The following GRK5 variants were observed in gnomAD, a reference collection of about 807,000 sequenced individuals.
The protein encoded by GRK5 is g protein-coupled receptor kinase GRK5.
GRK5 carries 40 observed loss-of-function variants against 78.4 expected under a neutral mutation model. The observed-to-expected ratio is 0.51, with a 90% confidence interval of 0.40 to 0.66. The LOEUF (loss-of-function observed/expected upper bound fraction) is 0.66. GRK5 is among the 30% of genes least tolerant of loss of function. The pLI, the probability that GRK5 is intolerant of heterozygous loss-of-function variation, is 0.00. For synonymous variants in GRK5, 289 were observed against 296.8 expected (o/e 0.97, Z 0.27); for missense variants, 598 against 759.9 (o/e 0.79, Z 2.50).
At chr10:119,229,197 C>T (rs1284160104) in intron 1 of GRK5, among the ~76,000 whole-genome samples, 4 of 152,274 alleles carry the variant, frequency 2.6e-5, no homozygotes, top group African/African-American at 9.6e-5. Flanking sequence ...AGACTGGGAC[C>T]TTTCCCAGTG....
chr10:119,409,553 A>C (rs1852299033), intron 4 of GRK5, among the ~76,000 whole-genome samples: 1 of 152,048 alleles, frequency 6.6e-6, no homozygotes, highest in South Asian at 2.1e-4. Flanking sequence ...AGGCTTCCTG[A>C]GGGCACCCCC....
At chr10:119,227,948 A>T (rs1848766560) in intron 1 of GRK5, among the ~76,000 whole-genome samples, 1 of 152,162 alleles carries the variant, frequency 6.6e-6, no homozygotes, top group Admixed American at 6.5e-5. Context: ...TTGAAGTTCC[A>T]CGTCTAAGAT....
At chr10:119,353,076 G>T (rs1203812682) in intron 2 of GRK5, among the ~76,000 whole-genome samples, 1 of 152,234 alleles carries the variant, frequency 6.6e-6, no homozygotes, top group East Asian at 1.9e-4. Context: ...TGCCAATGTT[G>T]TTCCGGGGAC....
intron 2 of GRK5, among the ~76,000 whole-genome samples, chr10:119,338,721 G>A (rs868831403): frequency 2.0e-5 from 3 of 152,158 alleles, no homozygotes; most frequent in South Asian, 4.2e-4. Context: ...ATCCACCCAG[G>A]CCCCCGGTCT....
chr10:119,369,475 C>G (rs184186940), intron 2 of GRK5, among the ~76,000 whole-genome samples: 6 of 152,182 alleles, frequency 3.9e-5, no homozygotes, highest in Non-Finnish European at 5.9e-5. Flanking sequence ...CCCCAGGCCC[C>G]GCACGGAAAG....
intron 4 of GRK5, among the ~76,000 whole-genome samples, chr10:119,407,078 G>T (rs140252154): frequency 5.3e-5 from 8 of 152,194 alleles, no homozygotes; most frequent in Admixed American, 5.2e-4. Flanking sequence ...GATTCCCAGC[G>T]TGCAAACAGA....
chr10:119,336,883 A>G lies in GRK5; in HGVS notation c.148+10272A>G, dbSNP rs1850897661. Among the ~76,000 whole-genome samples, 1 of 152,220 alleles carries G rather than the reference A, an allele frequency of 6.6e-6. No individual in the cohort carries two copies. Among genetic ancestry groups the G allele is most frequent in the Non-Finnish European group, 1.5e-5 (1 of 68,044 alleles). On this transcript the variant is annotated intron_variant, in intron 2 of 15. Transcript: ENST00000392870. The surrounding 1 kb of genome is among the most constrained non-coding windows in gnomAD (Gnocchi z 4.5). ...TGACCTGTCCGCAGCTGGAGCTCTC[A>G]GGAGGGAAGGGTGGCCCCGCTGTCT...
chr10:119,268,263 A>G (rs899563405), intron 1 of GRK5, among the ~76,000 whole-genome samples: 6 of 152,250 alleles, frequency 3.9e-5, no homozygotes, highest in African/African-American at 1.2e-4. Flanking sequence ...TTGAGTACAC[A>G]TAATTCGATT....
In GRK5 at chr10:119,264,437, G is replaced by A. The variant is rs1849459707; in HGVS notation, c.52+56468G>A. ...GCTTCCTACAGCTCTTGGCTCTGCT[G>A]CTTTCTGAGTGTTGGCCTCTCTCTC... On this transcript the variant is annotated intron_variant, in intron 1 of 15. Transcript: ENST00000392870. The surrounding 1 kb of genome is among the most constrained non-coding windows in gnomAD (Gnocchi z 4.1). Among the ~76,000 whole-genome samples, 1 of 152,112 alleles carries A rather than the reference G, an allele frequency of 6.6e-6. No individual in the cohort carries two copies. The highest frequency in any genetic ancestry group is 2.4e-5 in the African/African-American group (1 of 41,402).
intron 4 of GRK5, among the ~76,000 whole-genome samples, chr10:119,417,745 G>A (rs1018326473): frequency 6.6e-6 from 1 of 152,128 alleles, no homozygotes; most frequent in African/African-American, 2.4e-5. Context: ...ATGAGATGAG[G>A]ACAAAAAGGA....
intron 3 of GRK5, among the ~76,000 whole-genome samples, chr10:119,394,802 TGG>T (rs1215567068): frequency 1.8e-4 from 27 of 149,548 alleles, no homozygotes; most frequent in African/African-American, 6.8e-4. Flanking sequence ...TTTGGGTGTG[TGG>T]GTGTGTGTGT....
At chr10:119,387,654 G>A (rs1276221789) in intron 3 of GRK5, among the ~76,000 whole-genome samples, 1 of 152,240 alleles carries the variant, frequency 6.6e-6, no homozygotes, top group Admixed American at 6.5e-5. Context: ...TGGCATCTTG[G>A]AGACTGATGG....
chr10:119,219,994 C>T (rs1848634354), intron 1 of GRK5, among the ~76,000 whole-genome samples: 2 of 152,206 alleles, frequency 1.3e-5, no homozygotes, highest in Non-Finnish European at 2.9e-5. Context: ...CTAGGGATGG[C>T]TGATGACCTG....
chr10:119,327,006 G>A (rs1335541085), intron 2 of GRK5, among the ~76,000 whole-genome samples: 1 of 152,114 alleles, frequency 6.6e-6, no homozygotes. Flanking sequence ...CAGAGCCACC[G>A]CTCATAACTT....
At chr10:119,350,631 C>T (rs1851173113) in intron 2 of GRK5, among the ~76,000 whole-genome samples, 1 of 152,190 alleles carries the variant, frequency 6.6e-6, no homozygotes, top group Non-Finnish European at 1.5e-5. Context: ...TTTTATTTGT[C>T]CAGCGCAGAG....
At chr10:119,393,894 G>A (rs1048268236) in intron 3 of GRK5, among the ~76,000 whole-genome samples, 3 of 151,994 alleles carry the variant, frequency 2.0e-5, no homozygotes, top group African/African-American at 7.3e-5. Flanking sequence ...CTGTATGTGT[G>A]TGTGTAGGGG....
At position 119,241,882 on chromosome 10, in the gene GRK5, C is replaced by T. The variant is rs185189873; in HGVS notation, c.52+33913C>T. On this transcript the variant is annotated intron_variant, in intron 1 of 15. Transcript: ENST00000392870. ...CATAGGGAAATGTGGCTCAAGGAGG[C>T]AGCTAGGATTTGGGGCTTATATACC... is the stretch of plus-strand genomic sequence containing the variant. Among the ~76,000 whole-genome samples the T allele has an allele frequency of 2.2e-3, 342 of 152,196 alleles. 3 individuals are homozygous for T. The highest frequency in any genetic ancestry group is 8.0e-3 in the African/African-American group (334 of 41,510).
intron 1 of GRK5, among the ~76,000 whole-genome samples, chr10:119,283,718 C>T (rs1440474167): frequency 1.3e-5 from 2 of 152,140 alleles, no homozygotes; most frequent in Admixed American, 1.3e-4. Flanking sequence ...CAAGGGTCAC[C>T]CTGCAGATGG....
At chr10:119,388,303 T>G (rs1241678324) in intron 3 of GRK5, among the ~76,000 whole-genome samples, 1 of 151,984 alleles carries the variant, frequency 6.6e-6, no homozygotes, top group Non-Finnish European at 1.5e-5. Flanking sequence ...CAGCTACAAG[T>G]TAAAATATTT....
Sources: allele counts gnomAD v4.1 joint callset (sites outside exome capture counted in the v4.1 genomes callset), GRCh38; gene constraint gnomAD v4.1.1; non-coding constraint Gnocchi (gnomAD v3.1); transcripts MANE v1.5; gene names NCBI Gene and HGNC (gene_info 2026-07-23, HGNC 2026-07-21).